Variants in PGCKA1 observed in about 807,000 individuals in gnomAD.
PGCKA1 encodes PDCD10 and GCKIII kinases associated 1, also known as PDCD10 and GCKIII kinases-associated protein 1.
the PGCKA1 span, among the ~76,000 whole-genome samples, chr4:37,581,695 G>C: frequency 1.3e-5 from 2 of 152,150 alleles, no homozygotes; most frequent in Non-Finnish European, 2.9e-5. The surrounding 1 kb of genome is among the most constrained non-coding windows in gnomAD (Gnocchi z 4.4). Flanking sequence ...GCTGTGAGCT[G>C]TGCTGCCTGG....
chr4:37,481,891 C>T, the PGCKA1 span, among the ~76,000 whole-genome samples: 2 of 152,118 alleles, frequency 1.3e-5, no homozygotes, highest in African/African-American at 4.8e-5. Context: ...ATGCTATTCT[C>T]ATAATAGTGA....
chr4:37,480,827 G>C, the PGCKA1 span, among the ~76,000 whole-genome samples: 3 of 152,214 alleles, frequency 2.0e-5, no homozygotes, highest in Non-Finnish European at 2.9e-5. Flanking sequence ...TGTGGTTTAC[G>C]GTCATGCTGA....
At chr4:37,579,136 A>G in the PGCKA1 span, among the ~76,000 whole-genome samples, 1 of 152,342 alleles carries the variant, frequency 6.6e-6, no homozygotes, top group Admixed American at 6.5e-5. Flanking sequence ...CCAACAAGAA[A>G]AAAAACCAAA....
chr4:37,552,194 A>G, the PGCKA1 span, among the ~76,000 whole-genome samples: 660 of 152,358 alleles, frequency 4.3e-3, 4 homozygotes, highest in African/African-American at 0.015. Flanking sequence ...CAGGCATTGT[A>G]TGGAAGAACA....
At chr4:37,510,396 C>G in the PGCKA1 span, among the ~76,000 whole-genome samples, 1 of 152,118 alleles carries the variant, frequency 6.6e-6, no homozygotes, top group Non-Finnish European at 1.5e-5. Context: ...GATGCCGTGA[C>G]CTAATCCATA....
chr4:37,518,615 A>T, the PGCKA1 span, among the ~76,000 whole-genome samples: 1 of 152,058 alleles, frequency 6.6e-6, no homozygotes, highest in African/African-American at 2.4e-5. Flanking sequence ...TTTTGATCAG[A>T]TTATTAGATT....
the PGCKA1 span, among the ~76,000 whole-genome samples, chr4:37,483,774 C>T: frequency 6.6e-6 from 1 of 152,192 alleles, no homozygotes; most frequent in Non-Finnish European, 1.5e-5. Flanking sequence ...GTGAACACCA[C>T]TCTGCTCTGC....
chr4:37,543,226 A>G, the PGCKA1 span, among the ~76,000 whole-genome samples: 47 of 152,258 alleles, frequency 3.1e-4, no homozygotes, highest in African/African-American at 1.1e-3. Flanking sequence ...AATAGGCATC[A>G]TCTTCCACAG....
At chr4:37,543,849 G>T in the PGCKA1 span, among the ~76,000 whole-genome samples, 1 of 147,368 alleles carries the variant, frequency 6.8e-6, no homozygotes, top group African/African-American at 2.5e-5. Context: ...AAAAAAAGAA[G>T]GCTGCTAGAG....
At chr4:37,484,402 C>A in the PGCKA1 span, among the ~76,000 whole-genome samples, 1 of 152,178 alleles carries the variant, frequency 6.6e-6, no homozygotes, top group African/African-American at 2.4e-5. Context: ...GGGAAACCAT[C>A]CCCATGATTC....
the PGCKA1 span, among the ~76,000 whole-genome samples, chr4:37,586,822 A>G: frequency 6.6e-6 from 1 of 152,210 alleles, no homozygotes; most frequent in African/African-American, 2.4e-5. Flanking sequence ...AGGCAGGAGA[A>G]TCACTTGAAC....
chr4:37,513,040 G>T, the PGCKA1 span, among the ~76,000 whole-genome samples: 1 of 150,096 alleles, frequency 6.7e-6, no homozygotes, highest in Non-Finnish European at 1.5e-5. Flanking sequence ...GTGAGCCAAG[G>T]TCATGCCAAT....
the PGCKA1 span, among the ~76,000 whole-genome samples, chr4:37,553,019 A>ACTTCTTTGTATAACTGTGCACAACG: frequency 6.6e-6 from 1 of 150,724 alleles, no homozygotes; most frequent in African/African-American, 2.4e-5. Context: ...ATTTCTACCT[A>ACTTCTTTGTATAACTGTGCACAACG]TCTCTCATGG....
chr4:37,578,359 A>G, the PGCKA1 span, among the ~76,000 whole-genome samples: 2,463 of 152,276 alleles, frequency 0.016, 115 homozygotes, highest in East Asian at 0.13. Flanking sequence ...TGACATAAGT[A>G]TAGTTATTCC....
chr4:37,502,526 G>C, the PGCKA1 span, among the ~76,000 whole-genome samples: 1 of 152,152 alleles, frequency 6.6e-6, no homozygotes, highest in Admixed American at 6.5e-5. Flanking sequence ...TGGTGGGGGT[G>C]GCAGGCCCTG....
the PGCKA1 span, among the ~76,000 whole-genome samples, chr4:37,490,864 A>T: frequency 3.9e-5 from 6 of 152,250 alleles, no homozygotes; most frequent in Non-Finnish European, 8.8e-5. Flanking sequence ...ACAAAGAAAT[A>T]CAATAAACAA....
the PGCKA1 span, among the ~76,000 whole-genome samples, chr4:37,568,923 C>T: frequency 6.6e-6 from 1 of 152,052 alleles, no homozygotes. Context: ...AATCCCATCT[C>T]TACCAAAAAA....
the PGCKA1 span, among the ~76,000 whole-genome samples, chr4:37,506,857 G>A: frequency 2.6e-5 from 4 of 152,088 alleles, no homozygotes; most frequent in Non-Finnish European, 4.4e-5. Context: ...TGGAAGATCT[G>A]TCCAATGCTG....
At chr4:37,521,460 C>A in the PGCKA1 span, among the ~76,000 whole-genome samples, 1 of 152,308 alleles carries the variant, frequency 6.6e-6, no homozygotes, top group Non-Finnish European at 1.5e-5. Context: ...CATTCAGGAG[C>A]ATATTGTTTA....
Sources: gnomAD v4.1 joint callset for allele counts (sites outside exome capture counted in the v4.1 genomes callset) on GRCh38, gnomAD v4.1.1 for gene constraint, Gnocchi (gnomAD v3.1) non-coding constraint, MANE v1.5 for transcripts, NCBI Gene and HGNC (gene_info 2026-07-23, HGNC 2026-07-21) for gene names.